Variants in ACAP2 observed in about 807,000 individuals in gnomAD.
The protein encoded by ACAP2 is ArfGAP with coiled-coil, ankyrin repeat and PH domains 2.
ACAP2 carries 39 observed loss-of-function variants against 115.8 expected under a neutral mutation model. The observed-to-expected ratio is 0.34, with a 90% CI of 0.26 to 0.44. The LOEUF (loss-of-function observed/expected upper bound fraction) is 0.44. Ranked by LOEUF, ACAP2 falls within the 20% of genes least tolerant of loss-of-function variation. The pLI is 1.00. For synonymous variants in ACAP2, 289 were observed against 315.8 expected, an observed-to-expected ratio of 0.92 and a Z score of 0.90; for missense variants, 662 against 927.6, an observed-to-expected ratio of 0.71 and a Z score of 3.72.
chr3:195,291,357 G>A (rs1727241812), intron 20 of ACAP2, among the ~76,000 whole-genome samples: 1 of 152,194 alleles, frequency 6.6e-6, no homozygotes, highest in Non-Finnish European at 1.5e-5. Context: ...GTGTGTGCAT[G>A]CTATGGAAAT....
At chr3:195,294,945 T>C (rs1727546467) in intron 17 of ACAP2, 134 bp from the exon 18 acceptor site, 1 of 547,580 alleles carries the variant, frequency 1.8e-6, no homozygotes, top group Non-Finnish European at 3.3e-6. Context: ...GCATTTAATA[T>C]AATTTTAAGC....
chr3:195,388,400 C>T (rs540716215), intron 2 of ACAP2, among the ~76,000 whole-genome samples: 1 of 152,254 alleles, frequency 6.6e-6, no homozygotes, highest in East Asian at 1.9e-4. Flanking sequence ...GAACACCTGG[C>T]AAGAATGGAT....
chr3:195,412,774 A>T (rs1399968370), intron 1 of ACAP2: 3 of 354,364 alleles, frequency 8.5e-6, no homozygotes, highest in Non-Finnish European at 1.2e-5. Flanking sequence ...GTAGTAATTT[A>T]AAAAATAACT....
chr3:195,396,205 C>T (rs1427330074), intron 1 of ACAP2, among the ~76,000 whole-genome samples: 3 of 151,098 alleles, frequency 2.0e-5, no homozygotes, highest in Middle Eastern at 3.2e-3. Flanking sequence ...GAGCTGAGAT[C>T]GCGCCACTGC....
At chr3:195,368,894 G>A (rs891855605) in intron 4 of ACAP2, among the ~76,000 whole-genome samples, 2 of 152,130 alleles carry the variant, frequency 1.3e-5, no homozygotes, top group Non-Finnish European at 2.9e-5. Flanking sequence ...GACCAGCCTG[G>A]CCAACATGGC....
At chr3:195,349,497 A>G (rs568955196) in intron 4 of ACAP2, among the ~76,000 whole-genome samples, 5 of 152,140 alleles carry the variant, frequency 3.3e-5, no homozygotes, top group African/African-American at 1.2e-4. Context: ...CAAACAAACA[A>G]AAAAAGCCAT....
intron 10 of ACAP2, among the ~76,000 whole-genome samples, chr3:195,318,981 C>T (rs1729268972): frequency 6.6e-6 from 1 of 152,212 alleles, no homozygotes; most frequent in Non-Finnish European, 1.5e-5. Flanking sequence ...GGGCCAGGGC[C>T]CAGGACCCTG....
rs535117654 is a variant in ACAP2 at position 195,364,359 on chromosome 3, T to A, written c.285+16650A>T. Among the ~76,000 whole-genome samples, 6 of 152,252 alleles carry A rather than the reference T, an allele frequency of 3.9e-5. No individual in the cohort carries two copies. The East Asian group carries it at 1.2e-3, about 29-fold the overall frequency. On this transcript the variant is annotated intron_variant, in intron 4 of 22. Transcript: ENST00000326793. ...AAAAGGCACCCAACATCAATGATCATCAGCGAACGCAAATCAAAACTACAA... is the reference window on the plus strand; with the variant it reads ...AAAAGGCACCCAACATCAATGATCAACAGCGAACGCAAATCAAAACTACAA...
At chr3:195,392,873 A>G (rs1367452580) in intron 1 of ACAP2, among the ~76,000 whole-genome samples, 1 of 152,252 alleles carries the variant, frequency 6.6e-6, no homozygotes, top group Non-Finnish European at 1.5e-5. Context: ...GAGTATGTAT[A>G]ACAAAATGTA....
intron 4 of ACAP2, among the ~76,000 whole-genome samples, chr3:195,374,756 C>G (rs1733404345): frequency 6.6e-6 from 1 of 151,838 alleles, no homozygotes; most frequent in Non-Finnish European, 1.5e-5. Flanking sequence ...GCTCTGTCGC[C>G]CAGGCTGGAG....
chr3:195,368,613 GT>G (rs1360786903), intron 4 of ACAP2, among the ~76,000 whole-genome samples: 1 of 152,030 alleles, frequency 6.6e-6, no homozygotes, highest in African/African-American at 2.4e-5. Flanking sequence ...ACATATCGTT[GT>G]TTCCATAGCA....
intron 1 of ACAP2, among the ~76,000 whole-genome samples, chr3:195,430,964 T>G (rs1431273030): frequency 6.6e-6 from 1 of 152,030 alleles, no homozygotes; most frequent in African/African-American, 2.4e-5. Flanking sequence ...ATATTTAGAG[T>G]TCTACAACCA....
chr3:195,406,647 T>G (rs1712796599), intron 1 of ACAP2, among the ~76,000 whole-genome samples: 1 of 152,222 alleles, frequency 6.6e-6, no homozygotes, highest in African/African-American at 2.4e-5. Context: ...GCTACAGGTT[T>G]GATCAAACAC....
intron 1 of ACAP2, chr3:195,441,929 C>G (rs927066854): frequency 2.0e-5 from 3 of 152,308 alleles, no homozygotes; most frequent in Admixed American, 6.5e-5. Flanking sequence ...GCCCCCATGT[C>G]AACTCTGTGA....
chr3:195,412,896 A>G (rs1425974472), intron 1 of ACAP2: 3 of 456,524 alleles, frequency 6.6e-6, no homozygotes, highest in Non-Finnish European at 1.3e-5. Context: ...GCGGTAAAAC[A>G]AGCCCCTGCT....
chr3:195,408,572 G>C (rs1712986616), intron 1 of ACAP2, among the ~76,000 whole-genome samples: 1 of 152,092 alleles, frequency 6.6e-6, no homozygotes. Flanking sequence ...TTCCAAAAAA[G>C]TGAAGAGGAA....
intron 2 of ACAP2, among the ~76,000 whole-genome samples, chr3:195,385,095 T>TAA (rs992709412): frequency 6.7e-6 from 1 of 150,132 alleles, no homozygotes; most frequent in Non-Finnish European, 1.5e-5. Flanking sequence ...ATATGGTTAC[T>TAA]AAAAAAAAAG....
Position 195,295,791 on chromosome 3 carries a change from A to G in ACAP2, c.1589T>C (p.Val530Ala), listed in dbSNP as rs1335765759. 3 of 1,614,118 alleles carry G rather than the reference A, an allele frequency of 1.9e-6. No homozygotes were observed. The highest frequency in any genetic ancestry group is 2.5e-6 in the Non-Finnish European group (3 of 1,180,000). ...LSPPEQQKKF[V>A]SKSSEEKRLS... ...CCTCTTTTCTTCAGAACTTTTAGAG[A>G]CAAACTTTTTTTGCTGCTCAGGAGG... Residue 530 changes from valine (V) to alanine (A), a missense_variant, in exon 17 of 23, where the codon GTC becomes GCC. Val to Ala is a moderately conservative substitution (Grantham distance 64). Coordinates refer to ENST00000326793, the MANE Select transcript of ACAP2 (RefSeq NM_012287.6).
chr3:195,348,870 CA>C (rs549370086), intron 4 of ACAP2, among the ~76,000 whole-genome samples: 6 of 152,126 alleles, frequency 3.9e-5, no homozygotes, highest in Non-Finnish European at 8.8e-5. Flanking sequence ...TGGCTAGTGG[CA>C]AAAGGCTACT....
Sources: allele counts gnomAD v4.1 joint callset (sites outside exome capture counted in the v4.1 genomes callset), GRCh38; gene constraint gnomAD v4.1.1; transcripts MANE v1.5; gene names NCBI Gene and HGNC (gene_info 2026-07-23, HGNC 2026-07-21).